The following OLFM4 variants were observed in gnomAD, a reference collection of about 807,000 sequenced individuals.
OLFM4 encodes olfactomedin-4.
A neutral mutation model predicts 25.5 loss-of-function variants in OLFM4; 22 were observed. That is an observed-to-expected ratio of 0.86 (90% CI 0.62 to 1.23). OLFM4 has a LOEUF of 1.23. OLFM4 is among the 50% of genes most tolerant of loss of function. The probability of loss-of-function intolerance (pLI) is 0.00; values close to 1 mark genes in which losing one functional copy is unlikely to be tolerated. For synonymous variants in OLFM4, 255 were observed against 237.7 expected, an observed-to-expected ratio of 1.07 and a Z score of -0.67; for missense variants, 594 against 619.4, an observed-to-expected ratio of 0.96 and a Z score of 0.44.
intron 2 of OLFM4, among the ~76,000 whole-genome samples, chr13:53,035,097 C>T (rs1041788974): frequency 1.3e-5 from 2 of 151,060 alleles, no homozygotes; most frequent in African/African-American, 2.4e-5. Context: ...TTTTTCCCTC[C>T]TTCTTTTCCC....
At chr13:53,044,516 A>G (rs139023957) in intron 4 of OLFM4, among the ~76,000 whole-genome samples, 143 of 152,322 alleles carry the variant, frequency 9.4e-4, no homozygotes, top group Middle Eastern at 3.4e-3. Context: ...AGGTATAGCC[A>G]TAGATATAAG....
chr13:53,050,263 T>G lies in OLFM4; in HGVS notation c.1025T>G (p.Met342Arg). Reference sequence around the variant, plus strand: ...TACAACAACAACATGTACGTCAACATGTACAACACCGGGAATATTGCCAGA... The same window carrying G: ...TACAACAACAACATGTACGTCAACAGGTACAACACCGGGAATATTGCCAGA... Reference protein sequence around the residue: ...AVYNNNMYVNMYNTGNIARVN... With the variant: ...AVYNNNMYVNRYNTGNIARVN... The change falls in exon 5 of 5, where the codon ATG becomes AGG. Residue 342 changes from methionine to arginine, a missense_variant. Physicochemically the swap from Met to Arg is moderately conservative, Grantham distance 91. Coordinates refer to ENST00000219022, the MANE Select transcript of OLFM4 (RefSeq NM_006418.5). 5 of 1,614,076 alleles carry G rather than the reference T, an allele frequency of 3.1e-6. No homozygotes were observed. The highest frequency in any genetic ancestry group is 1.1e-5 in the South Asian group (1 of 91,070).
At chr13:53,031,227 TC>T (rs1477393836) in intron 1 of OLFM4, among the ~76,000 whole-genome samples, 2 of 152,080 alleles carry the variant, frequency 1.3e-5, no homozygotes, top group Non-Finnish European at 2.9e-5. Flanking sequence ...GGACTAGGAG[TC>T]AATTTCACTA....
Position 53,041,073 on chromosome 13 carries a change from C to T in OLFM4, c.358-837C>T, listed in dbSNP as rs182207297. 6.6e-5 allele frequency among the ~76,000 whole-genome samples: 10 copies of T among 152,074 alleles called. No individual in the cohort carries two copies. The East Asian group carries it at 9.7e-4, about 15-fold the overall frequency. On this transcript the variant is annotated intron_variant, in intron 2 of 4. Coordinates refer to ENST00000219022, the MANE Select transcript of OLFM4 (RefSeq NM_006418.5). ...CATTGTGGAAAGCAGTGTGGTGACT[C>T]GAAGAACTAAAAAGAACTATTATTC...
At chr13:53,044,490 G>C (rs967962722) in intron 4 of OLFM4, among the ~76,000 whole-genome samples, 2 of 151,996 alleles carry the variant, frequency 1.3e-5, no homozygotes, top group Non-Finnish European at 2.9e-5. Context: ...ATTTTTTAAG[G>C]CTTCAATTAT....
intron 4 of OLFM4, among the ~76,000 whole-genome samples, chr13:53,049,137 A>G (rs542749899): frequency 2.1e-4 from 32 of 152,286 alleles, no homozygotes; most frequent in African/African-American, 6.0e-4. Context: ...GGATGGAAAG[A>G]TGAAATACTT....
chr13:53,035,429 C>T (rs894230152), intron 2 of OLFM4, among the ~76,000 whole-genome samples: 2 of 152,092 alleles, frequency 1.3e-5, no homozygotes, highest in African/African-American at 2.4e-5. Context: ...GTGTCCATCC[C>T]CTCAAGCATT....
At chr13:53,048,803 C>T (rs549582638) in intron 4 of OLFM4, among the ~76,000 whole-genome samples, 5 of 152,204 alleles carry the variant, frequency 3.3e-5, no homozygotes, top group South Asian at 4.2e-4. Flanking sequence ...AGCAGCAGGA[C>T]GAGGGAAAAT....
chr13:53,042,193 A>G (rs1380136396), intron 3 of OLFM4, 71 bp downstream of exon 3: 8 of 1,294,870 alleles, frequency 6.2e-6, no homozygotes, highest in Non-Finnish European at 6.6e-6. Flanking sequence ...AAGTACTAGT[A>G]CCAGGAAGTG....
chr13:53,044,133 G>C (rs1954702965), intron 4 of OLFM4, among the ~76,000 whole-genome samples: 2 of 152,180 alleles, frequency 1.3e-5, no homozygotes, highest in South Asian at 4.1e-4. Context: ...CAGTGCTTGG[G>C]AAGCTCGGAA....
Position 53,050,061 on chromosome 13 carries a change from G to A in OLFM4, c.823G>A (p.Gly275Ser), listed in dbSNP as rs369157023. The A allele has an allele frequency of 2.4e-5, 39 of 1,613,820 alleles. No individual in the cohort carries two copies. Among genetic ancestry groups the A allele is most frequent in the Admixed American group, 5.0e-5 (3 of 59,974 alleles). Residue 275 changes from glycine (G) to serine (S), a missense_variant, in exon 5 of 5, where the codon GGT becomes AGT. Physicochemically the swap from Gly to Ser is moderately conservative, Grantham distance 56. Coordinates refer to ENST00000219022, the MANE Select transcript of OLFM4 (RefSeq NM_006418.5). ...RGFSYLYGAW[G>S]RDYSPQHPNK... ...GTTTTCTTATCTATATGGTGCTTGG[G>A]GTAGGGATTACTCTCCCCAGCATCC...
intron 1 of OLFM4, among the ~76,000 whole-genome samples, chr13:53,032,448 C>T (rs988734838): frequency 6.6e-6 from 1 of 152,086 alleles, no homozygotes; most frequent in Non-Finnish European, 1.5e-5. Flanking sequence ...TGGAGTCTTT[C>T]TATCTTTGGA....
At chr13:53,037,952 C>T (rs1373121852) in intron 2 of OLFM4, among the ~76,000 whole-genome samples, 1 of 152,030 alleles carries the variant, frequency 6.6e-6, no homozygotes, top group Admixed American at 6.6e-5. Flanking sequence ...TAACAGGCAC[C>T]CTCAAATCAA....
At position 53,028,976 on chromosome 13, in the gene OLFM4, G is replaced by A; in HGVS notation, c.140G>A (p.Ser47Asn). The A allele has an allele frequency of 6.2e-7, 1 of 1,614,038 alleles. No homozygotes were observed. The highest frequency in any genetic ancestry group is 8.5e-7 in the Non-Finnish European group (1 of 1,179,922). Residue 47 changes from serine (S) to asparagine (N), a missense_variant, in exon 1 of 5, where the codon AGC becomes AAC. Transcript: ENST00000219022. Reference protein sequence around the residue: ...FPGVDSSSSFSSSSRSGSSSS... With the variant: ...FPGVDSSSSFNSSSRSGSSSS... ...GGTGTTGACTCCAGCTCCAGCTTCA[G>A]CTCCAGCTCCAGGTCGGGCTCCAGC...
chr13:53,049,896 T>C (rs1304994747), intron 4 of OLFM4, 73 bp from the exon 5 acceptor site: 2 of 1,400,490 alleles, frequency 1.4e-6, no homozygotes, highest in Non-Finnish European at 1.9e-6. Flanking sequence ...CTTTGGTGCT[T>C]AGGATATTAA....
intron 2 of OLFM4, among the ~76,000 whole-genome samples, chr13:53,038,312 T>C (rs962738271): frequency 2.0e-5 from 3 of 152,056 alleles, no homozygotes; most frequent in Admixed American, 2.0e-4. Context: ...AATACAGCCA[T>C]AGGTCAGCTA....
At position 53,050,175 on chromosome 13, in the gene OLFM4, C is replaced by A. The variant is rs1309312119; in HGVS notation, c.937C>A (p.Leu313Ile). ...YRLYNTLDDL[L>I]LYINARELRI... The stretch of plus-strand genomic sequence containing the variant: ...ACTGTACAACACACTGGATGATTTG[C>A]TATTGTATATAAATGCTCGAGAGTT... The change falls in exon 5 of 5, where the codon CTA becomes ATA. Residue 313 changes from leucine (L) to isoleucine (I), a missense_variant. By Grantham distance (5) the Leu-to-Ile change is conservative. Transcript: ENST00000219022. 2 of 1,613,954 alleles carry A rather than the reference C, an allele frequency of 1.2e-6. No homozygotes were observed. The highest frequency in any genetic ancestry group is 3.3e-5 in the Admixed American group (2 of 60,004).
In OLFM4 at chr13:53,050,368, A is replaced by G; in HGVS notation, c.1130A>G (p.Asn377Ser). The G allele has an allele frequency of 6.2e-7, 1 of 1,614,046 alleles. No individual in the cohort carries two copies. Among genetic ancestry groups the G allele is most frequent in the Non-Finnish European group, 8.5e-7 (1 of 1,179,964 alleles). The change falls in exon 5 of 5, where the codon AAT becomes AGT. Residue 377 changes from asparagine (N) to serine (S), a missense_variant. Coordinates refer to ENST00000219022, the MANE Select transcript of OLFM4 (RefSeq NM_006418.5). ...TATAATAACCGCTTTTCATATGCTA[A>G]TGTTGCTTGGCAAGATATTGACTTT... ...AAYNNRFSYA[N>S]VAWQDIDFAV...
Position 53,051,019 on chromosome 13 carries a change from G to A in OLFM4, c.*248G>A. 2.4e-6 allele frequency: 1 copy of A among 425,292 alleles called. No individual in the cohort carries two copies. Among genetic ancestry groups the A allele is most frequent in the South Asian group, 5.8e-5 (1 of 17,378 alleles). 26.3% of individuals were successfully genotyped at this position (425,292 alleles called of 1,614,324 possible). A position where few individuals can be genotyped will look rare whatever the true frequency, so the allele number is the denominator to read the frequency against. ...GGGTGGGATTGTCAGAGGTCTAGGG[G>A]CACTGTGGGCCTAGTGAAGCCTACT... On this transcript the variant is annotated 3_prime_UTR_variant, in exon 5 of 5. Transcript: ENST00000219022.
Sources: gnomAD v4.1 joint callset for allele counts (sites outside exome capture counted in the v4.1 genomes callset) on GRCh38, gnomAD v4.1.1 for gene constraint, MANE v1.5 for transcripts, NCBI Gene and HGNC (gene_info 2026-07-23, HGNC 2026-07-21) for gene names.